TTBK2: variants seen among roughly 807,000 people sequenced by gnomAD.
TTBK2 encodes the protein tau tubulin kinase 2.
TTBK2 carries 28 observed loss-of-function variants against 110.8 expected under a neutral mutation model. That is an observed-to-expected ratio of 0.25 (90% CI 0.19 to 0.35). TTBK2 has a LOEUF of 0.35. TTBK2 is among the 10% of genes least tolerant of loss of function. The pLI is 1.00. For synonymous variants in TTBK2, 532 were observed against 527.3 expected, an observed-to-expected ratio of 1.01 and a Z score of -0.12; for missense variants, 1,369 against 1,500.3, an observed-to-expected ratio of 0.91 and a Z score of 1.45.
chr15:42,775,860 G>T, intron 12 of TTBK2, 137 bp from the exon 13 acceptor site: 1 of 668,588 alleles, frequency 1.5e-6, no homozygotes, highest in Non-Finnish European at 2.4e-6. Flanking sequence ...AAGTTTCACA[G>T]CATTGATAAT....
At chr15:42,844,188 C>T (rs1271004458) in intron 3 of TTBK2, among the ~76,000 whole-genome samples, 1 of 152,164 alleles carries the variant, frequency 6.6e-6, no homozygotes, top group Non-Finnish European at 1.5e-5. Context: ...ACAATACCCA[C>T]AATACCTGGC....
At chr15:42,893,301 C>A (rs1895535780) in intron 1 of TTBK2, among the ~76,000 whole-genome samples, 1 of 152,016 alleles carries the variant, frequency 6.6e-6, no homozygotes. Context: ...CAAGACCAGC[C>A]TGGGCAACCT....
intron 6 of TTBK2, among the ~76,000 whole-genome samples, chr15:42,817,870 C>T (rs779879856): frequency 3.3e-5 from 5 of 152,206 alleles, no homozygotes; most frequent in Non-Finnish European, 5.9e-5. Context: ...CCTCCAATGG[C>T]TAGCTCTTCT....
Position 42,766,446 on chromosome 15 carries a change from C to CAAAAAAAAAAAAAAAAAAAA in TTBK2, c.1998+8669_1998+8688dup, listed in dbSNP as rs567972612. 2.0e-3 allele frequency among the ~76,000 whole-genome samples: 62 copies of CAAAAAAAAAAAAAAAAAAAA among 30,854 alleles called. 7 individuals are homozygous for CAAAAAAAAAAAAAAAAAAAA. Among genetic ancestry groups the CAAAAAAAAAAAAAAAAAAAA allele is most frequent in the African/African-American group, 4.5e-3 (14 of 3,084 alleles). 20.2% of individuals were successfully genotyped at this position (30,854 alleles called of 152,430 possible). ...GAAGATCTACCAAGCGAATGGAAAG[C>CAAAAAAAAAAAAAAAAAAAA]AAAAAAAAAAAAAAAAAAAAAGCAA... On this transcript the variant is annotated intron_variant, in intron 13 of 14. Transcript: ENST00000267890.
At chr15:42,827,318 A>C (rs1397557808) in intron 6 of TTBK2, among the ~76,000 whole-genome samples, 2 of 152,230 alleles carry the variant, frequency 1.3e-5, no homozygotes, top group Admixed American at 1.3e-4. Context: ...GGGGGAGACC[A>C]GTACCCAGAG....
chr15:42,916,295 C>T (rs542190534), intron 1 of TTBK2, among the ~76,000 whole-genome samples: 1 of 152,204 alleles, frequency 6.6e-6, no homozygotes, highest in East Asian at 1.9e-4. Flanking sequence ...ATTTTCCTCC[C>T]CTCATCTTCG....
At chr15:42,885,223 G>A (rs1895194861) in intron 1 of TTBK2, among the ~76,000 whole-genome samples, 1 of 152,112 alleles carries the variant, frequency 6.6e-6, no homozygotes, top group Non-Finnish European at 1.5e-5. Flanking sequence ...GACTCCTTCG[G>A]GAGACCAGTC....
At position 42,790,995 on chromosome 15, in the gene TTBK2, C is replaced by T. The variant is rs559086293; in HGVS notation, c.980+3649G>A. ...ACCTCCCGTGTTCACGCCATTCTCC[C>T]GCCTCAGCCTCCCGAGTAGCTAGGG... On this transcript the variant is annotated intron_variant, in intron 10 of 14. Transcript: ENST00000267890. 2.6e-4 allele frequency among the ~76,000 whole-genome samples: 40 copies of T among 152,180 alleles called. 2 individuals are homozygous for T. The East Asian group carries it at 6.8e-3, about 26-fold the overall frequency.
At chr15:42,883,377 CAAAA>C (rs1213212728) in intron 1 of TTBK2, among the ~76,000 whole-genome samples, 2 of 50,276 alleles carry the variant, frequency 4.0e-5, no homozygotes, top group Non-Finnish European at 8.2e-5. Context: ...AACTCCACCT[CAAAA>C]AAAAAAAAAA....
rs1302797145 is a variant in TTBK2, at chr15:42,740,577, CGGA to C, written c.*5215_*5217del. The C allele has an allele frequency of 7.6e-6, 1 of 131,122 alleles. No homozygotes were observed. Among genetic ancestry groups the C allele is most frequent in the Non-Finnish European group, 1.6e-5 (1 of 63,928 alleles). 8.1% of individuals were successfully genotyped at this position (131,122 alleles called of 1,614,324 possible). A position where few individuals can be genotyped will look rare whatever the true frequency, so the allele number is the denominator to read the frequency against. ...CTTTTTTTTTTTTTTTTTTTTGAGA[CGGA>C]GTCTCACTCTGTCGCCCAGGCTGGA... On this transcript the variant is annotated 3_prime_UTR_variant, in exon 15 of 15. Transcript: ENST00000267890.
intron 1 of TTBK2, among the ~76,000 whole-genome samples, chr15:42,882,551 T>C (rs553072813): frequency 2.6e-5 from 4 of 151,754 alleles, no homozygotes; most frequent in South Asian, 4.2e-4. Flanking sequence ...GAGTTGGAGG[T>C]TGCAGTGAGC....
At chr15:42,812,983 G>A (rs1398831793) in intron 7 of TTBK2, among the ~76,000 whole-genome samples, 1 of 151,568 alleles carries the variant, frequency 6.6e-6, no homozygotes, top group Non-Finnish European at 1.5e-5. Flanking sequence ...TTAAGAGGCA[G>A]CACAAAGGAC....
intron 1 of TTBK2, among the ~76,000 whole-genome samples, chr15:42,887,022 G>T (rs1372666450): frequency 1.3e-5 from 2 of 152,170 alleles, no homozygotes; most frequent in Non-Finnish European, 2.9e-5. Flanking sequence ...ACAATGGAGG[G>T]TAAGTCCGTC....
chr15:42,750,918 C>T (rs938551351), intron 14 of TTBK2, among the ~76,000 whole-genome samples: 4 of 152,136 alleles, frequency 2.6e-5, no homozygotes, highest in Middle Eastern at 3.2e-3. Flanking sequence ...TACTTTAGTA[C>T]TTTAAAGTAC....
chr15:42,875,443 A>T (rs935048262), intron 2 of TTBK2, among the ~76,000 whole-genome samples: 1 of 152,112 alleles, frequency 6.6e-6, no homozygotes, highest in Non-Finnish European at 1.5e-5. Flanking sequence ...CACTGATGAA[A>T]ACAATGTGAC....
At chr15:42,882,938 C>G (rs1012499900) in intron 1 of TTBK2, among the ~76,000 whole-genome samples, 3 of 152,084 alleles carry the variant, frequency 2.0e-5, no homozygotes, top group African/African-American at 7.2e-5. Flanking sequence ...GGAATAACAG[C>G]AATGGAGGAA....
intron 10 of TTBK2, among the ~76,000 whole-genome samples, chr15:42,792,865 T>C (rs989320048): frequency 2.0e-5 from 3 of 152,346 alleles, no homozygotes; most frequent in Admixed American, 6.5e-5. Context: ...TTCTTTGTTA[T>C]TCTGTGTTAT....
chr15:42,837,873 T>C (rs1027573620), intron 4 of TTBK2, among the ~76,000 whole-genome samples: 1 of 152,084 alleles, frequency 6.6e-6, no homozygotes, highest in Non-Finnish European at 1.5e-5. Flanking sequence ...GGCCAGGATC[T>C]ATGTCTCTAG....
chr15:42,763,131 C>CGT (rs1555421135), intron 13 of TTBK2, among the ~76,000 whole-genome samples: 21 of 59,844 alleles, frequency 3.5e-4, no homozygotes, highest in African/African-American at 1.4e-3. Context: ...CATATATATA[C>CGT]ATATATACAT....
Sources: gnomAD v4.1 joint callset for allele counts (sites outside exome capture counted in the v4.1 genomes callset) on GRCh38, gnomAD v4.1.1 for gene constraint, MANE v1.5 for transcripts, NCBI Gene and HGNC (gene_info 2026-07-23, HGNC 2026-07-21) for gene names.